Variants in NSRP1 observed in about 807,000 individuals in gnomAD.
The protein encoded by NSRP1 is nuclear speckle splicing regulatory protein 1, also known as coiled-coil domain containing 55.
In NSRP1, 24 loss-of-function variants were observed where a neutral mutation model predicts 54.7. That is an observed-to-expected ratio of 0.44 (90% CI 0.32 to 0.62). The LOEUF (loss-of-function observed/expected upper bound fraction) is 0.62. Among genes scored for constraint, NSRP1 ranks in the 20% least tolerant of loss-of-function variants. The pLI is 0.06. For missense variants in NSRP1, 596 were observed against 651.2 expected (o/e 0.92, Z 0.92); for synonymous variants, 210 against 213.8 (o/e 0.98, Z 0.15).
chr17:30,149,766 T>A (rs1424142322), intron 2 of NSRP1, among the ~76,000 whole-genome samples: 1 of 143,582 alleles, frequency 7.0e-6, no homozygotes, highest in Admixed American at 7.3e-5. Flanking sequence ...GCCCAGGAGG[T>A]CAAGGCTGCA....
chr17:30,162,168 G>A (rs1374460824), intron 2 of NSRP1, among the ~76,000 whole-genome samples: 4 of 151,954 alleles, frequency 2.6e-5, no homozygotes, highest in Admixed American at 2.6e-4. Context: ...GGGACTACAG[G>A]CGCGTGCCAC....
At chr17:30,155,416 TATG>T (rs1200411023) in intron 2 of NSRP1, among the ~76,000 whole-genome samples, 8 of 152,240 alleles carry the variant, frequency 5.3e-5, no homozygotes, top group Admixed American at 3.9e-4. Context: ...ACCTGTTCAA[TATG>T]ATATTTTTCT....
chr17:30,171,972 A>ACACTCTCTCTCTCTCT (rs1169988659), intron 2 of NSRP1, among the ~76,000 whole-genome samples: 5 of 46,642 alleles, frequency 1.1e-4, no homozygotes, highest in African/African-American at 6.1e-5. Context: ...ACACACACAC[A>ACACTCTCTCTCTCTCT]CTCCCTCTCT....
chr17:30,164,242 A>G (rs922140548), intron 2 of NSRP1, among the ~76,000 whole-genome samples: 4 of 152,186 alleles, frequency 2.6e-5, no homozygotes, highest in Admixed American at 6.5e-5. Context: ...CTGTACACAT[A>G]TTAGGCTGTC....
At chr17:30,137,217 C>T (rs1038519749) in intron 2 of NSRP1, among the ~76,000 whole-genome samples, 1 of 152,088 alleles carries the variant, frequency 6.6e-6, no homozygotes, top group East Asian at 1.9e-4. Flanking sequence ...GGAGTTTCTC[C>T]GTATTGTAGA....
At chr17:30,173,580 T>C (rs1438658212) in intron 3 of NSRP1, among the ~76,000 whole-genome samples, 1 of 152,250 alleles carries the variant, frequency 6.6e-6, no homozygotes, top group African/African-American at 2.4e-5. Flanking sequence ...CTATTTCCTC[T>C]TTGTCTAACT....
intron 2 of NSRP1, among the ~76,000 whole-genome samples, chr17:30,124,830 C>G (rs1411642789): frequency 6.6e-6 from 1 of 152,138 alleles, no homozygotes; most frequent in East Asian, 1.9e-4. Flanking sequence ...ATTTCCTTAC[C>G]TATAAAAAAA....
chr17:30,167,746 G>A (rs553747066), intron 2 of NSRP1, among the ~76,000 whole-genome samples: 2 of 152,146 alleles, frequency 1.3e-5, no homozygotes, highest in South Asian at 4.2e-4. Flanking sequence ...TGTATCTGAA[G>A]GAATCTGTTT....
intron 2 of NSRP1, among the ~76,000 whole-genome samples, chr17:30,167,443 T>C (rs1325853319): frequency 6.6e-6 from 1 of 152,064 alleles, no homozygotes; most frequent in East Asian, 1.9e-4. Flanking sequence ...ACCTTGTCTC[T>C]ACTAAAAATA....
At chr17:30,171,972 A>ACC (rs1169988659) in intron 2 of NSRP1, among the ~76,000 whole-genome samples, 8 of 46,640 alleles carry the variant, frequency 1.7e-4, no homozygotes, top group East Asian at 6.6e-4. Context: ...ACACACACAC[A>ACC]CTCCCTCTCT....
intron 2 of NSRP1, among the ~76,000 whole-genome samples, chr17:30,146,546 T>A (rs1226461020): frequency 6.6e-6 from 1 of 151,956 alleles, no homozygotes; most frequent in Non-Finnish European, 1.5e-5. Context: ...TATGAGGTAA[T>A]TTTTTACCCC....
chr17:30,142,979 A>G (rs546909715), intron 2 of NSRP1, among the ~76,000 whole-genome samples: 3 of 152,242 alleles, frequency 2.0e-5, no homozygotes, highest in Non-Finnish European at 2.9e-5. Context: ...TTTTTACTCA[A>G]CCTGTTTGAC....
intron 3 of NSRP1, among the ~76,000 whole-genome samples, chr17:30,173,607 A>G (rs1010370363): frequency 3.9e-5 from 6 of 152,192 alleles, no homozygotes; most frequent in Non-Finnish European, 8.8e-5. Context: ...CTGCATAAAG[A>G]TAAGTTTATT....
chr17:30,151,145 G>T (rs2071905696), intron 2 of NSRP1, among the ~76,000 whole-genome samples: 1 of 152,058 alleles, frequency 6.6e-6, no homozygotes, highest in Non-Finnish European at 1.5e-5. Flanking sequence ...TATCTTCTTT[G>T]AAATAAATTT....
At chr17:30,139,277 C>T (rs2071781566) in intron 2 of NSRP1, among the ~76,000 whole-genome samples, 1 of 151,948 alleles carries the variant, frequency 6.6e-6, no homozygotes, top group African/African-American at 2.4e-5. Context: ...GTTCTTTTTT[C>T]AGTCCGTTAT....
intron 2 of NSRP1, among the ~76,000 whole-genome samples, chr17:30,120,235 AT>A (rs369648326): frequency 0.025 from 3,734 of 152,228 alleles, 140 homozygotes; most frequent in African/African-American, 0.084. Context: ...CTTAAAATGG[AT>A]TTTTTCCCCC....
chr17:30,164,422 T>C (rs1460824976), intron 2 of NSRP1, among the ~76,000 whole-genome samples: 2 of 152,218 alleles, frequency 1.3e-5, no homozygotes, highest in Non-Finnish European at 2.9e-5. Context: ...TGTTTATAAG[T>C]TGATTTTTTT....
At chr17:30,151,561 C>G (rs1299348248) in intron 2 of NSRP1, among the ~76,000 whole-genome samples, 1 of 152,120 alleles carries the variant, frequency 6.6e-6, no homozygotes, top group Non-Finnish European at 1.5e-5. Context: ...TGTTCATCAT[C>G]ATCTTCACAT....
intron 2 of NSRP1, among the ~76,000 whole-genome samples, chr17:30,164,039 G>A (rs895635249): frequency 1.3e-5 from 2 of 152,002 alleles, no homozygotes; most frequent in Admixed American, 6.6e-5. Flanking sequence ...GCGTGTGTGC[G>A]AAGTATTGTT....
Sources: allele counts gnomAD v4.1 joint callset (sites outside exome capture counted in the v4.1 genomes callset), GRCh38; gene constraint gnomAD v4.1.1; transcripts MANE v1.5; gene names NCBI Gene and HGNC (gene_info 2026-07-23, HGNC 2026-07-21).